The following AKAP1 variants were observed in gnomAD, a reference collection of about 807,000 sequenced individuals.
AKAP1 encodes A-kinase anchoring protein 1.
Under a neutral mutation model 79.8 loss-of-function variants are expected in AKAP1, and 32 were observed. The observed-to-expected ratio is 0.40, with a 90% CI of 0.30 to 0.54. The LOEUF (loss-of-function observed/expected upper bound fraction) is 0.54. Ranked by LOEUF, AKAP1 falls within the 20% of genes least tolerant of loss-of-function variation. The pLI, the probability that AKAP1 is intolerant of heterozygous loss-of-function variation, is 0.47. For synonymous variants in AKAP1, 416 were observed against 466.7 expected (o/e 0.89, Z 1.40); for missense variants, 961 against 1,138.9 (o/e 0.84, Z 2.25).
chr17:57,099,746 G>A (rs986087235), intron 1 of AKAP1, among the ~76,000 whole-genome samples: 11 of 152,270 alleles, frequency 7.2e-5, no homozygotes, highest in Non-Finnish European at 1.0e-4. Flanking sequence ...AGAGATGGGT[G>A]TTGTGGCCTG....
At chr17:57,089,831 C>T (rs183031392) in intron 1 of AKAP1, among the ~76,000 whole-genome samples, 1 of 152,164 alleles carries the variant, frequency 6.6e-6, no homozygotes, top group Non-Finnish European at 1.5e-5. Context: ...TCAGAAAGGA[C>T]CTGGGGACAG....
At chr17:57,098,717 G>A (rs1479507412) in intron 1 of AKAP1, 1 of 151,816 alleles carries the variant, frequency 6.6e-6, no homozygotes, top group Middle Eastern at 3.4e-3. Flanking sequence ...CTGTTTGACT[G>A]AGGTGAGAGT....
intron 1 of AKAP1, among the ~76,000 whole-genome samples, chr17:57,088,816 C>G (rs1913610883): frequency 6.6e-6 from 1 of 152,196 alleles, no homozygotes; most frequent in Non-Finnish European, 1.5e-5. Context: ...CGGGTCTTCA[C>G]CATCTGGTTG....
Position 57,098,923 on chromosome 17 carries a change from C to T in AKAP1, c.-24-6518C>T, listed in dbSNP as rs1158821426. 1.2e-4 allele frequency among the ~76,000 whole-genome samples: 10 copies of T among 86,454 alleles called. No individual in the cohort carries two copies. The East Asian group carries it at 1.6e-3, about 14-fold the overall frequency. 56.7% of individuals were successfully genotyped at this position (86,454 alleles called of 152,430 possible). On this transcript the variant is annotated intron_variant, in intron 1 of 10. Transcript: ENST00000337714. ...ACTACAGGTGCCCGCCACCAAGCCC[C>T]GCTATTTTTTTTTTTTTTGTATTTT... is the stretch of plus-strand genomic sequence containing the variant.
At position 57,085,346 on chromosome 17, in the gene AKAP1, G is replaced by T; in HGVS notation, c.-77G>T. 6.6e-6 allele frequency: 1 copy of T among 151,836 alleles called. No individual in the cohort carries two copies. Among genetic ancestry groups the T allele is most frequent in the South Asian group, 2.0e-4 (1 of 4,956 alleles). The allele number at this position is 151,836 out of a possible 1,614,324, so 9.4% of individuals were successfully genotyped here. ...GGGCCGCGGGGCACAGCCGGGGGCC[G>T]GCGGCGGCGCGCGGACTCCGCATCC... On this transcript the variant is annotated 5_prime_UTR_variant, in exon 1 of 11. Transcript: ENST00000337714.
At chr17:57,117,234 G>A (rs972417859) in intron 8 of AKAP1, among the ~76,000 whole-genome samples, 1 of 152,184 alleles carries the variant, frequency 6.6e-6, no homozygotes, top group Non-Finnish European at 1.5e-5. Context: ...TCTTAGCCCC[G>A]GTGGTTGAGG....
Position 57,106,744 on chromosome 17 carries a change from A to G in AKAP1, c.1280A>G (p.Glu427Gly), listed in dbSNP as rs1209293672. The change falls in exon 2 of 11, where the codon GAG (glutamate) becomes GGG (glycine). Residue 427 changes from glutamate to glycine, a missense_variant. This residue lies in a region of AKAP1 where 629 missense variants were observed against 781.1 expected (regional missense o/e 0.81). Transcript: ENST00000337714. ...CTCCCCTTGCCAGGCCTACCAGCAG[A>G]GGGCTCACCACCACCAAAGACCTAC... is the stretch of plus-strand genomic sequence containing the variant. ...AGLPLPGLPA[E>G]GSPPPKTYVS... The G allele has an allele frequency of 1.2e-6, 2 of 1,614,008 alleles. No individual in the cohort carries two copies. The highest frequency in any genetic ancestry group is 1.7e-6 in the Non-Finnish European group (2 of 1,180,024).
At chr17:57,104,047 C>G (rs958794295) in intron 1 of AKAP1, among the ~76,000 whole-genome samples, 2 of 151,754 alleles carry the variant, frequency 1.3e-5, no homozygotes, top group African/African-American at 4.8e-5. Context: ...CAACCTCCAC[C>G]CCCCTGGATT....
chr17:57,111,799 A>T lies in AKAP1; in HGVS notation c.1850A>T (p.His617Leu). ...LIIWEIEVPKHLVGRLIGKQG... is the reference protein window; with the variant it reads ...LIIWEIEVPKLLVGRLIGKQG... ...CATCTCTTTTTGTCTTTCTGGAAGC[A>T]CTTAGTCGGTCGGCTAATTGGCAAG... Residue 617 changes from histidine (H) to leucine (L), a missense_variant and splice_region_variant, in exon 4 of 11, where the codon CAC becomes CTC. Coordinates refer to ENST00000337714, the MANE Select transcript of AKAP1 (RefSeq NM_003488.4). 2.5e-6 allele frequency: 4 copies of T among 1,614,098 alleles called. No homozygotes were observed. Among genetic ancestry groups the T allele is most frequent in the Non-Finnish European group, 3.4e-6 (4 of 1,180,032 alleles).
intron 7 of AKAP1, 140 bp from the exon 8 acceptor site, chr17:57,116,720 C>A: frequency 1.3e-6 from 1 of 785,898 alleles, no homozygotes; most frequent in South Asian, 1.5e-5. Context: ...GTGCTGTGAG[C>A]CGTGGCCTCC....
intron 1 of AKAP1, among the ~76,000 whole-genome samples, chr17:57,089,331 C>T (rs1025907676): frequency 6.6e-6 from 1 of 152,132 alleles, no homozygotes; most frequent in South Asian, 2.1e-4. Flanking sequence ...CTAAGGTGTG[C>T]TACTGTTCTA....
chr17:57,090,494 GC>G (rs935162520), intron 1 of AKAP1, among the ~76,000 whole-genome samples: 1 of 144,420 alleles, frequency 6.9e-6, no homozygotes, highest in Non-Finnish European at 1.5e-5. Flanking sequence ...TGCCCCTGCC[GC>G]CCCCCATGCT....
At chr17:57,090,152 T>C (rs117296471) in intron 1 of AKAP1, among the ~76,000 whole-genome samples, 4 of 151,308 alleles carry the variant, frequency 2.6e-5, no homozygotes, top group Non-Finnish European at 5.9e-5. Context: ...GTGGCAGGGG[T>C]GGGGAGTTCT....
intron 8 of AKAP1, among the ~76,000 whole-genome samples, chr17:57,117,201 C>T (rs1915639237): frequency 1.3e-5 from 2 of 152,216 alleles, no homozygotes; most frequent in African/African-American, 4.8e-5. Context: ...AGGCACTTTC[C>T]AGATTATAGT....
intron 1 of AKAP1, chr17:57,096,500 G>A (rs1914123071): frequency 6.6e-6 from 1 of 152,338 alleles, no homozygotes; most frequent in South Asian, 2.1e-4. Context: ...GTGGGGGACA[G>A]TCCTAGACAG....
At chr17:57,114,410 T>C (rs1451244662) in intron 5 of AKAP1, 49 bp from the exon 6 acceptor site, 4 of 1,566,306 alleles carry the variant, frequency 2.6e-6, no homozygotes, top group South Asian at 2.2e-5. Flanking sequence ...TATTCAAAGA[T>C]GAGATAAGAA....
chr17:57,111,919 T>C lies in AKAP1; in HGVS notation c.1970T>C (p.Ile657Thr), dbSNP rs765557590. 1.9e-6 allele frequency: 3 copies of C among 1,613,272 alleles called. No individual in the cohort carries two copies. The highest frequency in any genetic ancestry group is 2.5e-6 in the Non-Finnish European group (3 of 1,179,428). Residue 657 changes from isoleucine (I) to threonine (T), a missense_variant, in exon 4 of 11, where the codon ATA becomes ACA. By Grantham distance (89) the Ile-to-Thr change is moderately conservative. Around this residue, in one of 3 missense-constraint regions of AKAP1, gnomAD observed 629 missense variants for 781.1 expected, o/e 0.81. Coordinates refer to ENST00000337714, the MANE Select transcript of AKAP1 (RefSeq NM_003488.4). ...PYTQSVQICH[I>T]EGSQHHVDKA... ...ACCCAGAGCGTCCAGATCTGCCACATAGAAGGTCAGTAACATCTGCTGCTT... is the reference window on the plus strand; with the variant it reads ...ACCCAGAGCGTCCAGATCTGCCACACAGAAGGTCAGTAACATCTGCTGCTT...
rs780155573 is a variant in AKAP1, at chr17:57,114,518, G to A, written c.2163G>A (p.Gly721=). ...TTGTGGTCAACCAGGTCAATGCCGG[G>A]CACCTGTTCGTGCAGCAGCACACAC... ...EVIVVNQVNA[G]HLFVQQHTHP... is the part of the protein sequence containing the mutation. Residue 721 remains glycine, a synonymous_variant, in exon 6 of 11, where the codon GGG becomes GGA. Coordinates refer to ENST00000337714, the MANE Select transcript of AKAP1 (RefSeq NM_003488.4). 30 of 1,614,046 alleles carry A rather than the reference G, an allele frequency of 1.9e-5. No individual in the cohort carries two copies. The highest frequency in any genetic ancestry group is 2.0e-5 in the Non-Finnish European group (24 of 1,180,046).
Position 57,116,259 on chromosome 17 carries a change from C to A in AKAP1, c.2430C>A (p.Ile810=), listed in dbSNP as rs1915578590. The A allele has an allele frequency of 5.6e-6, 9 of 1,614,094 alleles. No homozygotes were observed. Among genetic ancestry groups the A allele is most frequent in the Non-Finnish European group, 7.6e-6 (9 of 1,180,002 alleles). Residue 810 remains isoleucine (I), a splice_region_variant and synonymous_variant, in exon 7 of 11, where the codon ATC becomes ATA. Coordinates refer to ENST00000337714, the MANE Select transcript of AKAP1 (RefSeq NM_003488.4). ...TGAAAGTAGACGTGCTCCGGCAAATCAGGTGAGCGGAGATGCCTCAGGCAG... is the reference window on the plus strand; with the variant it reads ...TGAAAGTAGACGTGCTCCGGCAAATAAGGTGAGCGGAGATGCCTCAGGCAG... The part of the protein sequence containing the change: ...KRVKVDVLRQ[I]RSDFVTLPFQ...
Sources: gnomAD v4.1 joint callset for allele counts (sites outside exome capture counted in the v4.1 genomes callset) on GRCh38, gnomAD v4.1.1 for gene constraint, gnomAD v4.1.1 regional missense constraint, MANE v1.5 for transcripts, NCBI Gene and HGNC (gene_info 2026-07-23, HGNC 2026-07-21) for gene names.